Variants in TSPAN7 observed in about 807,000 individuals in gnomAD.
TSPAN7 encodes the protein tetraspanin 7.
Under a neutral mutation model 17.6 loss-of-function variants are expected in TSPAN7, and 1 was observed. The observed-to-expected ratio is 0.06, with a 90% CI of 0.02 to 0.27. The LOEUF (loss-of-function observed/expected upper bound fraction) is 0.27. Among genes scored for constraint, TSPAN7 ranks in the 10% least tolerant of loss-of-function variants. The pLI is 1.00. For missense variants in TSPAN7, 112 were observed against 201.7 expected, an observed-to-expected ratio of 0.56 and a Z score of 2.69; for synonymous variants, 78 against 79.0, an observed-to-expected ratio of 0.99 and a Z score of 0.07.
At chrX:38,589,155 G>A (rs2069276332) in intron 1 of TSPAN7, among the ~76,000 whole-genome samples, 1 of 111,873 alleles carries the variant, frequency 8.9e-6, no homozygotes, top group Non-Finnish European at 1.9e-5. Context: ...GCCACTTCAG[G>A]CCACAATTTG....
intron 1 of TSPAN7, among the ~76,000 whole-genome samples, chrX:38,588,800 G>A (rs943195099): frequency 2.7e-5 from 3 of 111,759 alleles, no homozygotes; most frequent in African/African-American, 9.8e-5. Context: ...TGTACTGGCA[G>A]TCGAGTTCCA....
chrX:38,629,266 G>A (rs749445899), intron 1 of TSPAN7, among the ~76,000 whole-genome samples: 63 of 112,171 alleles, frequency 5.6e-4, no homozygotes, highest in African/African-American at 1.5e-3. Flanking sequence ...GCATTAAGAC[G>A]GTGATGTGAT....
At chrX:38,653,071 A>C (rs2069684487) in intron 1 of TSPAN7, among the ~76,000 whole-genome samples, 1 of 111,949 alleles carries the variant, frequency 8.9e-6, no homozygotes, top group Admixed American at 9.5e-5. Context: ...ACAGAAATTG[A>C]TTGGACTCCG....
chrX:38,666,379 G>A, intron 2 of TSPAN7, 70 bp downstream of exon 2: 3 of 1,083,125 alleles, frequency 2.8e-6, no homozygotes, highest in Non-Finnish European at 3.8e-6. Context: ...ACATGGAGGT[G>A]AAGTGGTTCG....
chrX:38,572,355 C>T (rs1020752853), intron 1 of TSPAN7, among the ~76,000 whole-genome samples: 7 of 111,456 alleles, frequency 6.3e-5, no homozygotes, highest in Non-Finnish European at 1.3e-4. Flanking sequence ...TTGTAATTGG[C>T]TTCCAGAAGT....
At chrX:38,572,300 G>A (rs1010823211) in intron 1 of TSPAN7, among the ~76,000 whole-genome samples, 1 of 111,409 alleles carries the variant, frequency 9.0e-6, no homozygotes, top group African/African-American at 3.3e-5. Context: ...GTTCACTGCA[G>A]TGTGTCTGCT....
At chrX:38,616,824 A>G (rs116696445) in intron 1 of TSPAN7, among the ~76,000 whole-genome samples, 1,142 of 111,442 alleles carry the variant, frequency 0.01, 20 homozygotes, top group African/African-American at 0.036. Flanking sequence ...AGCCCCTATG[A>G]ACCTCCTCTC....
At chrX:38,685,465 C>T (rs1250507334) in intron 6 of TSPAN7, among the ~76,000 whole-genome samples, 1 of 111,167 alleles carries the variant, frequency 9.0e-6, no homozygotes, top group Non-Finnish European at 1.9e-5. Flanking sequence ...ACTAAAAATA[C>T]AAAAATTAGC....
intron 6 of TSPAN7, among the ~76,000 whole-genome samples, chrX:38,681,656 C>G (rs1050736604): frequency 1.8e-5 from 2 of 111,522 alleles, no homozygotes; most frequent in African/African-American, 6.5e-5. Context: ...TGACCTAACC[C>G]TTTTTTGCTC....
intron 1 of TSPAN7, among the ~76,000 whole-genome samples, chrX:38,629,374 A>C (rs772294320): frequency 8.9e-6 from 1 of 112,493 alleles, no homozygotes; most frequent in African/African-American, 3.2e-5. Flanking sequence ...TGAATTACTT[A>C]AATTGCATCC....
intron 1 of TSPAN7, among the ~76,000 whole-genome samples, chrX:38,664,610 T>G (rs2069770680): frequency 8.9e-6 from 1 of 112,341 alleles, no homozygotes; most frequent in Non-Finnish European, 1.9e-5. Flanking sequence ...GGGGCCACTT[T>G]CTCCCAAATA....
At chrX:38,616,928 TA>T (rs1459103589) in intron 1 of TSPAN7, among the ~76,000 whole-genome samples, 1 of 112,116 alleles carries the variant, frequency 8.9e-6, no homozygotes, top group Non-Finnish European at 1.9e-5. Flanking sequence ...CCAGTGACTC[TA>T]AAAGATTTCC....
At chrX:38,584,344 G>T (rs2069246018) in intron 1 of TSPAN7, among the ~76,000 whole-genome samples, 1 of 111,495 alleles carries the variant, frequency 9.0e-6, no homozygotes, top group African/African-American at 3.3e-5. Context: ...ATTATTAAAA[G>T]ATGGCCATGA....
At chrX:38,591,129 T>C (rs189424137) in intron 1 of TSPAN7, among the ~76,000 whole-genome samples, 256 of 111,312 alleles carry the variant, frequency 2.3e-3, no homozygotes, top group Non-Finnish European at 3.8e-3. Context: ...AAGTCATTGA[T>C]TGGAGACCTT....
At chrX:38,624,909 A>C (rs978464199) in intron 1 of TSPAN7, among the ~76,000 whole-genome samples, 1 of 112,486 alleles carries the variant, frequency 8.9e-6, no homozygotes, top group Non-Finnish European at 1.9e-5. Context: ...TTTAATATAC[A>C]ACTAAGGTTT....
intron 1 of TSPAN7, among the ~76,000 whole-genome samples, chrX:38,587,167 C>T (rs2069262985): frequency 8.9e-6 from 1 of 112,084 alleles, no homozygotes; most frequent in Non-Finnish European, 1.9e-5. Flanking sequence ...TGGCCCTGCA[C>T]GACAAAGAAT....
chrX:38,595,870 A>C (rs1300625621), intron 1 of TSPAN7, among the ~76,000 whole-genome samples: 1 of 111,937 alleles, frequency 8.9e-6, no homozygotes, highest in Non-Finnish European at 1.9e-5. Flanking sequence ...TAGTGAACAC[A>C]GTCTTCTTTT....
chrX:38,568,091 A>G (rs2069152803), intron 1 of TSPAN7, among the ~76,000 whole-genome samples: 1 of 111,854 alleles, frequency 8.9e-6, no homozygotes, highest in Non-Finnish European at 1.9e-5. Flanking sequence ...CAGTCTGTTC[A>G]AACACTTCAT....
At position 38,680,207 on chromosome X, in the gene TSPAN7, A is replaced by G. The variant is rs138177614; in HGVS notation, c.598-997A>G. ...TCCTGCACACAGACTACAAATGTAT[A>G]TAGATACCACTTAATAGAAGACACA... On this transcript the variant is annotated intron_variant, in intron 5 of 7. Transcript: ENST00000378482. 7.6e-3 allele frequency among the ~76,000 whole-genome samples: 852 copies of G among 111,742 alleles called. 30 individuals are homozygous for G. The highest frequency in any genetic ancestry group is 0.069 in the Admixed American group (721 of 10,500).
Sources: gnomAD v4.1 joint callset for allele counts (sites outside exome capture counted in the v4.1 genomes callset) on GRCh38, gnomAD v4.1.1 for gene constraint, MANE v1.5 for transcripts, NCBI Gene and HGNC (gene_info 2026-07-23, HGNC 2026-07-21) for gene names.